The following SF3A1 variants were observed in gnomAD, a reference collection of about 807,000 sequenced individuals.
The protein encoded by SF3A1 is SAP 114.
Under a neutral mutation model 89.9 loss-of-function variants are expected in SF3A1, and 13 were observed. The ratio of observed to expected loss-of-function variants is 0.14; its 90% CI spans 0.09 to 0.23. SF3A1 has a LOEUF of 0.23. SF3A1 is among the 10% of genes least tolerant of loss of function. The pLI, the probability that SF3A1 is intolerant of heterozygous loss-of-function variation, is 1.00. For synonymous variants in SF3A1, 405 were observed against 374.4 expected (o/e 1.08, Z -0.94); for missense variants, 604 against 1,022.1 (o/e 0.59, Z 5.58).
chr22:30,356,345 T>TG (rs1042636357), intron 1 of SF3A1, among the ~76,000 whole-genome samples: 25 of 152,242 alleles, frequency 1.6e-4, no homozygotes, highest in Non-Finnish European at 3.2e-4. Flanking sequence ...TAGCCATTAC[T>TG]GGGGAAAGGC....
chr22:30,341,746 C>T lies in SF3A1; in HGVS notation c.1017G>A (p.Ala339=), dbSNP rs141851162. 80 of 1,613,978 alleles carry T rather than the reference C, an allele frequency of 5.0e-5. No homozygotes were observed. The highest frequency in any genetic ancestry group is 1.8e-4 in the Admixed American group (11 of 60,006). Residue 339 remains alanine (A), a synonymous_variant, in exon 7 of 16, where the codon GCG becomes GCA. Transcript: ENST00000215793. Reference sequence around the variant, plus strand: ...GGTCCAGCTGGGAAGGAGGCTCCTCCGCCTTCTCCTGTTTGTCATCCTCCT... The same window carrying T: ...GGTCCAGCTGGGAAGGAGGCTCCTCTGCCTTCTCCTGTTTGTCATCCTCCT... The part of the protein sequence containing the change: ...SDEEDDKQEK[A]EEPPSQLDQD...
chr22:30,340,648 C>G, intron 8 of SF3A1, 47 bp downstream of exon 8: 1 of 1,212,436 alleles, frequency 8.2e-7, no homozygotes, highest in Non-Finnish European at 1.2e-6. Flanking sequence ...TGAGGGCACA[C>G]AGGACTTCCT....
intron 1 of SF3A1, among the ~76,000 whole-genome samples, chr22:30,356,211 G>C (rs552140470): frequency 1.3e-5 from 2 of 152,292 alleles, no homozygotes; most frequent in African/African-American, 4.8e-5. Flanking sequence ...GAGCTCCCTA[G>C]GCAGGGACCA....
At chr22:30,347,574 C>T (rs1317424338) in intron 2 of SF3A1, among the ~76,000 whole-genome samples, 1 of 152,136 alleles carries the variant, frequency 6.6e-6, no homozygotes, top group Non-Finnish European at 1.5e-5. Context: ...AAAAATGTCC[C>T]TATAATGATG....
At chr22:30,334,842 G>T in intron 15 of SF3A1, 147 bp from the exon 16 acceptor site, 1 of 575,852 alleles carries the variant, frequency 1.7e-6, no homozygotes, top group African/African-American at 2.0e-5. Flanking sequence ...GGGACTGGAG[G>T]CCTCTCATTC....
intron 1 of SF3A1, 142 bp from the exon 2 acceptor site, chr22:30,353,214 A>T (rs533475042): frequency 9.0e-7 from 1 of 1,110,292 alleles, no homozygotes; most frequent in East Asian, 2.6e-5. Context: ...ACTTCAGAAA[A>T]GCAGTTCTCT....
At chr22:30,337,555 G>C (rs1601690854) in intron 12 of SF3A1, 135 bp downstream of exon 12, 1 of 707,884 alleles carries the variant, frequency 1.4e-6, no homozygotes, top group East Asian at 2.7e-5. Flanking sequence ...TCTTTCAATG[G>C]GAAGCCAGGG....
intron 1 of SF3A1, 79 bp from the exon 2 acceptor site, chr22:30,353,151 T>G: frequency 6.5e-7 from 1 of 1,538,304 alleles, no homozygotes; most frequent in Non-Finnish European, 8.8e-7. Flanking sequence ...TCCTCTAGGA[T>G]ATCATTCAGA....
rs1930949535 is a variant in SF3A1, at chr22:30,332,557, G to C, written c.*2037C>G. 1 of 152,230 alleles carries C rather than the reference G, an allele frequency of 6.6e-6. No individual in the cohort carries two copies. The highest frequency in any genetic ancestry group is 1.5e-5 in the Non-Finnish European group (1 of 68,040). The allele number at this position is 152,230 out of a possible 1,614,324, so 9.4% of individuals were successfully genotyped here. A position where few individuals can be genotyped will look rare whatever the true frequency, so the allele number is the denominator to read the frequency against. On this transcript the variant is annotated 3_prime_UTR_variant, in exon 16 of 16. Transcript: ENST00000215793. ...TGGGGCAGATAATCCTCAGGAGATT[G>C]CAAGAAGAATCAGAAAAGCTGTGCA...
At chr22:30,334,723 T>C (rs760231194) in intron 15 of SF3A1, 28 bp from the exon 16 acceptor site, 50 of 1,521,512 alleles carry the variant, frequency 3.3e-5, no homozygotes, top group Non-Finnish European at 4.3e-5. Flanking sequence ...TGCCTTAGCA[T>C]GGGGCAACCC....
chr22:30,356,769 C>A lies in SF3A1; in HGVS notation c.24G>T (p.Ala8=). MPAGPVQ[A]VPPPPPVPTE... is the part of the protein sequence containing the mutation. ...TGGGCACGGGCGGCGGCGGGGGCAC[C>A]GCCTGCACGGGTCCGGCCGGCATGA... Residue 8 remains alanine (A), a synonymous_variant, in exon 1 of 16, where the codon GCG becomes GCT. Transcript: ENST00000215793. The A allele has an allele frequency of 6.8e-7, 1 of 1,470,156 alleles. No homozygotes were observed. The allele number at this position is 1,470,156 out of a possible 1,614,324, so 91.1% of individuals were successfully genotyped here. A position where few individuals can be genotyped will look rare whatever the true frequency, so the allele number is the denominator to read the frequency against.
chr22:30,334,472 T>C lies in SF3A1; in HGVS notation c.*122A>G, dbSNP rs1931005667. On this transcript the variant is annotated 3_prime_UTR_variant, in exon 16 of 16. Transcript: ENST00000215793. Reference sequence around the variant, plus strand: ...TGCAGGACAATTTGAATTCCCAAACTGAGTAAGAGCGAAACAAATATGCAG... The same window carrying C: ...TGCAGGACAATTTGAATTCCCAAACCGAGTAAGAGCGAAACAAATATGCAG... 2 of 626,690 alleles carry C rather than the reference T, an allele frequency of 3.2e-6. No individual in the cohort carries two copies. Among genetic ancestry groups the C allele is most frequent in the Admixed American group, 3.0e-5 (1 of 33,056 alleles). The allele number at this position is 626,690 out of a possible 1,614,324, so 38.8% of individuals were successfully genotyped here.
rs1601693930 is a variant in SF3A1, at chr22:30,341,610, T to C, written c.1071+82A>G. 7.9e-6 allele frequency: 8 copies of C among 1,014,636 alleles called. No individual in the cohort carries two copies. The East Asian group carries it at 1.6e-4, about 20-fold the overall frequency. 62.9% of individuals were successfully genotyped at this position (1,014,636 alleles called of 1,614,324 possible). On this transcript the variant is annotated intron_variant, in intron 7 of 15. Coordinates refer to ENST00000215793, the MANE Select transcript of SF3A1 (RefSeq NM_005877.6). ...CTCCTTTCAAGGCTCACAGGGGAGC[T>C]GGATCTGACTGGTGGAGAGCACTTC...
At chr22:30,341,563 TG>T in intron 7 of SF3A1, 128 bp downstream of exon 7, 1 of 481,160 alleles carries the variant, frequency 2.1e-6, no homozygotes, top group Non-Finnish European at 3.8e-6. Flanking sequence ...GGCAGCTGTA[TG>T]GCCTTGTTCA....
At position 30,340,779 on chromosome 22, in the gene SF3A1, G is replaced by A. The variant is rs751900155; in HGVS notation, c.1105C>T (p.Pro369Ser). ...GGCATGGGTGTCTCTGGGGGTGGGG[G>A]CACTTTCTGCCCTTCTTCTTCATCA... ...SDDEEEGQKV[P>S]PPPETPMPPP... Residue 369 changes from proline (P) to serine (S), a missense_variant, in exon 8 of 16, where the codon CCC becomes TCC. Pro to Ser is a moderately conservative substitution (Grantham distance 74, BLOSUM62 -1). This residue lies in a region of SF3A1 where 146 missense variants were observed against 228.5 expected (regional missense o/e 0.64). Transcript: ENST00000215793. 2.0e-5 allele frequency: 32 copies of A among 1,592,944 alleles called. 1 individual carries two copies. The highest frequency in any genetic ancestry group is 2.7e-5 in the Non-Finnish European group (31 of 1,169,682).
rs750239804 is a variant in SF3A1 at position 30,342,212 on chromosome 22, G to A, written c.865C>T (p.Pro289Ser). 1.2e-6 allele frequency: 2 copies of A among 1,614,154 alleles called. No individual in the cohort carries two copies. The highest frequency in any genetic ancestry group is 1.1e-5 in the South Asian group (1 of 91,090). ...FVVVETVDFQ[P>S]NEQGNFPPPT... ...CTCACAGACCTACCTTGCTCATTGG[G>A]TTGGAAGTCCACTGTTTCCACCACC... Residue 289 changes from proline (P) to serine (S), a missense_variant, in exon 6 of 16, where the codon CCC becomes TCC. By Grantham distance (74) the Pro-to-Ser change is moderately conservative (BLOSUM62 -1). Around this residue, in one of 9 missense-constraint regions of SF3A1, gnomAD observed 146 missense variants for 228.5 expected, o/e 0.64. Coordinates refer to ENST00000215793, the MANE Select transcript of SF3A1 (RefSeq NM_005877.6).
At chr22:30,342,080 G>C in intron 6 of SF3A1, 120 bp downstream of exon 6, 1 of 1,282,990 alleles carries the variant, frequency 7.8e-7, no homozygotes, top group South Asian at 1.2e-5. Context: ...GAGCAGGGAG[G>C]AGACAGCACT....
chr22:30,336,281 G>A (rs530324862), intron 13 of SF3A1, among the ~76,000 whole-genome samples: 2 of 152,218 alleles, frequency 1.3e-5, no homozygotes, highest in Non-Finnish European at 2.9e-5. Context: ...CACTTTGGGA[G>A]GCCAGCGTGG....
chr22:30,356,707 G>T (rs5994293), intron 1 of SF3A1, 23 bp downstream of exon 1: 697,977 of 1,459,682 alleles, frequency 0.48, 174,109 homozygotes, highest in South Asian at 0.77. Context: ...CCGGCTGCAG[G>T]CTGAGGGGCG....
Sources: allele counts gnomAD v4.1 joint callset (sites outside exome capture counted in the v4.1 genomes callset), GRCh38; gene constraint gnomAD v4.1.1; regional missense constraint gnomAD v4.1.1; transcripts MANE v1.5; gene names NCBI Gene and HGNC (gene_info 2026-07-23, HGNC 2026-07-21).